Variants in MROH9 observed in about 807,000 individuals in gnomAD.
The protein encoded by MROH9 is maestro heat-like repeat-containing protein family member 9.
A neutral mutation model predicts 98.2 loss-of-function variants in MROH9; 92 were observed. That is an observed-to-expected ratio of 0.94 (90% CI 0.79 to 1.11). MROH9 has a LOEUF of 1.11. MROH9 is among the 50% of genes most tolerant of loss of function. MROH9 has a pLI of 0.00. For missense variants in MROH9, 1,057 were observed against 1,014.8 expected, an observed-to-expected ratio of 1.04 and a Z score of -0.57; for synonymous variants, 397 against 368.9, an observed-to-expected ratio of 1.08 and a Z score of -0.87.
chr1:171,052,434 C>T (rs796793057), intron 20 of MROH9, among the ~76,000 whole-genome samples: 9 of 152,194 alleles, frequency 5.9e-5, no homozygotes, highest in African/African-American at 2.2e-4. Context: ...ACCTCCACTA[C>T]CCTAAGTTCT....
chr1:170,987,709 C>T (rs752571918), intron 10 of MROH9, among the ~76,000 whole-genome samples: 2 of 152,158 alleles, frequency 1.3e-5, no homozygotes, highest in Admixed American at 6.5e-5. Context: ...CACATGCATA[C>T]GTATTACATT....
intron 5 of MROH9, among the ~76,000 whole-genome samples, chr1:170,961,040 A>G (rs1165479351): frequency 6.6e-6 from 1 of 150,858 alleles, no homozygotes; most frequent in Non-Finnish European, 1.5e-5. Flanking sequence ...ACAAAGGCAT[A>G]AAAGTCTATT....
chr1:170,959,866 T>G (rs929635825), intron 5 of MROH9, among the ~76,000 whole-genome samples: 1 of 152,204 alleles, frequency 6.6e-6, no homozygotes, highest in African/African-American at 2.4e-5. Context: ...TGCTGGCAAG[T>G]GCTTCAAAGA....
At chr1:171,032,132 T>A (rs562289673) in intron 20 of MROH9, among the ~76,000 whole-genome samples, 2 of 152,310 alleles carry the variant, frequency 1.3e-5, no homozygotes, top group African/African-American at 4.8e-5. Context: ...CTCCATCAGA[T>A]CATTTATGTT....
intron 17 of MROH9, among the ~76,000 whole-genome samples, chr1:171,018,195 C>T (rs1652393625): frequency 6.6e-6 from 1 of 152,092 alleles, no homozygotes; most frequent in African/African-American, 2.4e-5. Context: ...AGCAGGCACC[C>T]ATCTTTGCTG....
chr1:171,035,874 G>A (rs1439052935), intron 20 of MROH9, among the ~76,000 whole-genome samples: 7 of 152,052 alleles, frequency 4.6e-5, no homozygotes, highest in East Asian at 1.9e-4. Flanking sequence ...TGATAAAGCC[G>A]AACACATAGA....
At position 171,015,029 on chromosome 1, in the gene MROH9, G is replaced by A. The variant is rs1482289606; in HGVS notation, c.1734+775G>A. 7 of 471,760 alleles carry A rather than the reference G, an allele frequency of 1.5e-5. No individual in the cohort carries two copies. In the East Asian group the frequency reaches 4.2e-4, roughly 28 times the overall value. 29.2% of individuals were successfully genotyped at this position (471,760 alleles called of 1,614,324 possible). ...TTCCAGGTCGACTGAATTTAAGCAC[G>A]TTCCATTTTCTGTAATTCTACACTC... On this transcript the variant is annotated intron_variant, in intron 16 of 21. Transcript: ENST00000367759.
intron 20 of MROH9, among the ~76,000 whole-genome samples, chr1:171,052,851 G>T (rs139651551): frequency 6.6e-6 from 1 of 152,118 alleles, no homozygotes; most frequent in Non-Finnish European, 1.5e-5. Context: ...CTGAAAATAC[G>T]CCTTAGTAGG....
chr1:170,984,753 C>A (rs1240869046), intron 9 of MROH9, among the ~76,000 whole-genome samples: 2 of 152,168 alleles, frequency 1.3e-5, no homozygotes, highest in Non-Finnish European at 2.9e-5. Flanking sequence ...TCCTTGTGTT[C>A]ATGACCTGTT....
At chr1:171,022,423 AG>A (rs1652550774) in intron 17 of MROH9, among the ~76,000 whole-genome samples, 1 of 152,252 alleles carries the variant, frequency 6.6e-6, no homozygotes, top group South Asian at 2.1e-4. Flanking sequence ...AGCCATAAAA[AG>A]GAATGAAGAT....
intron 15 of MROH9, among the ~76,000 whole-genome samples, chr1:171,010,610 T>G (rs1652116805): frequency 6.6e-6 from 1 of 152,188 alleles, no homozygotes; most frequent in South Asian, 2.1e-4. Context: ...TTTCCTGACT[T>G]TTTAATGATC....
chr1:170,979,310 C>A (rs904752473), intron 8 of MROH9, among the ~76,000 whole-genome samples: 5 of 152,176 alleles, frequency 3.3e-5, no homozygotes, highest in Non-Finnish European at 5.9e-5. Flanking sequence ...AGGATGTGCA[C>A]TGTCATTAGT....
chr1:170,983,292 C>A, intron 8 of MROH9, 130 bp from the exon 9 acceptor site: 2 of 615,216 alleles, frequency 3.3e-6, no homozygotes, highest in Non-Finnish European at 5.6e-6. Context: ...AAACTATGAG[C>A]AGAGAGTTAA....
intron 15 of MROH9, among the ~76,000 whole-genome samples, chr1:171,013,559 T>C (rs1186021246): frequency 6.6e-6 from 1 of 152,194 alleles, no homozygotes; most frequent in Non-Finnish European, 1.5e-5. Flanking sequence ...TAGATGCAGA[T>C]GTGTTGTGAC....
At chr1:170,989,283 A>G (rs1457004434) in intron 10 of MROH9, among the ~76,000 whole-genome samples, 4 of 152,208 alleles carry the variant, frequency 2.6e-5, no homozygotes, top group Non-Finnish European at 5.9e-5. Flanking sequence ...GATTTGAAAC[A>G]AATTTCAGAT....
Position 170,989,962 on chromosome 1 carries a change from G to A in MROH9, c.987G>A (p.Lys329=). ...ITLLTCTSPK[K]VIFQLMDYPV... is the part of the protein sequence containing the mutation. Reference sequence around the variant, plus strand: ...TGTTGACATGCACTTCACCCAAGAAGGTCATCTTTCAACTTATGGACTACC... The same window carrying A: ...TGTTGACATGCACTTCACCCAAGAAAGTCATCTTTCAACTTATGGACTACC... The change falls in exon 11 of 22, where the codon AAG becomes AAA. Residue 329 remains lysine, a synonymous_variant. Transcript: ENST00000367759. The A allele has an allele frequency of 6.2e-7, 1 of 1,613,092 alleles. No homozygotes were observed. Among genetic ancestry groups the A allele is most frequent in the Non-Finnish European group, 8.5e-7 (1 of 1,179,350 alleles).
intron 20 of MROH9, among the ~76,000 whole-genome samples, chr1:171,054,432 A>G (rs567558825): frequency 3.3e-5 from 5 of 152,202 alleles, no homozygotes; most frequent in Non-Finnish European, 7.3e-5. Context: ...AAAATTCCAG[A>G]AAAATAGCAT....
At chr1:170,977,573 C>T (rs944851485) in intron 8 of MROH9, among the ~76,000 whole-genome samples, 13 of 152,158 alleles carry the variant, frequency 8.5e-5, no homozygotes, top group Admixed American at 7.9e-4. Context: ...TTGGTAGACT[C>T]TTGCTCAGTT....
intron 20 of MROH9, among the ~76,000 whole-genome samples, chr1:171,059,793 A>T (rs1050375819): frequency 1.1e-4 from 16 of 152,044 alleles, no homozygotes; most frequent in African/African-American, 3.9e-4. Flanking sequence ...AAAACCAAAC[A>T]CCACATGTTC....
Sources: gnomAD v4.1 joint callset for allele counts (sites outside exome capture counted in the v4.1 genomes callset) on GRCh38, gnomAD v4.1.1 for gene constraint, MANE v1.5 for transcripts, NCBI Gene and HGNC (gene_info 2026-07-23, HGNC 2026-07-21) for gene names.